The following AGMO variants were observed in gnomAD, a reference collection of about 807,000 sequenced individuals.
AGMO encodes glyceryl-ether monooxygenase.
A neutral mutation model predicts 60.2 loss-of-function variants in AGMO; 75 were observed. That is an observed-to-expected ratio of 1.25 (90% CI 1.03 to 1.51). AGMO has a LOEUF of 1.51. Among genes scored for constraint, AGMO ranks in the 40% most tolerant of loss-of-function variants. AGMO has a pLI of 0.00. For synonymous variants in AGMO, 261 were observed against 177.1 expected, an observed-to-expected ratio of 1.47 and a Z score of -3.76; for missense variants, 763 against 525.5, an observed-to-expected ratio of 1.45 and a Z score of -4.42.
chr7:15,129,263 T>C, the AGMO span, among the ~76,000 whole-genome samples: 1 of 132,326 alleles, frequency 7.6e-6, no homozygotes, highest in Non-Finnish European at 1.8e-5. Flanking sequence ...TGTAGGTTAG[T>C]GTTCTCTTTT....
intron 3 of AGMO, among the ~76,000 whole-genome samples, chr7:15,457,652 C>A (rs1035769277): frequency 2.0e-5 from 3 of 152,084 alleles, no homozygotes; most frequent in Non-Finnish European, 4.4e-5. Flanking sequence ...AAAATAAGAT[C>A]CTACATTTCA....
At chr7:15,343,256 A>G (rs900267398) in intron 12 of AGMO, among the ~76,000 whole-genome samples, 2 of 152,176 alleles carry the variant, frequency 1.3e-5, no homozygotes, top group African/African-American at 4.8e-5. Flanking sequence ...TATCTTTAAT[A>G]GAAAATTATC....
At chr7:15,544,694 T>C in intron 3 of AGMO, 78 bp downstream of exon 3, 2 of 1,165,614 alleles carry the variant, frequency 1.7e-6, no homozygotes, top group South Asian at 3.2e-5. Context: ...ATCCATTCAA[T>C]AAATGTTTAC....
At chr7:15,402,069 G>C (rs1372606056) in intron 5 of AGMO, among the ~76,000 whole-genome samples, 1 of 152,062 alleles carries the variant, frequency 6.6e-6, no homozygotes, top group East Asian at 1.9e-4. Context: ...TTTATTATCT[G>C]ATATGAAAAT....
intron 3 of AGMO, among the ~76,000 whole-genome samples, chr7:15,504,603 C>A (rs761890674): frequency 4.0e-5 from 6 of 151,832 alleles, no homozygotes; most frequent in African/African-American, 1.5e-4. Context: ...CATGAACTTC[C>A]GGAGGAATTG....
intron 3 of AGMO, among the ~76,000 whole-genome samples, chr7:15,457,925 C>T (rs2128507755): frequency 6.6e-6 from 1 of 152,064 alleles, no homozygotes; most frequent in East Asian, 1.9e-4. Flanking sequence ...ATTGACATTC[C>T]AATTATAAAT....
At chr7:15,445,515 TAC>T (rs1475955647) in intron 3 of AGMO, among the ~76,000 whole-genome samples, 1 of 152,172 alleles carries the variant, frequency 6.6e-6, no homozygotes, top group Non-Finnish European at 1.5e-5. Context: ...AGGATGCCAC[TAC>T]CAGAGCTACC....
intron 6 of AGMO, among the ~76,000 whole-genome samples, chr7:15,393,269 T>G (rs1245599966): frequency 4.6e-5 from 7 of 152,148 alleles, no homozygotes; most frequent in Non-Finnish European, 8.8e-5. Context: ...AAGGCAGGGC[T>G]TCAGGGATTC....
At chr7:15,342,333 G>A (rs115282437) in intron 12 of AGMO, among the ~76,000 whole-genome samples, 2,081 of 151,986 alleles carry the variant, frequency 0.014, 55 homozygotes, top group African/African-American at 0.047. Flanking sequence ...AAACAAAGGA[G>A]GGAAAGGTCA....
chr7:15,340,389 C>G (rs1014782721), intron 12 of AGMO, among the ~76,000 whole-genome samples: 9 of 152,154 alleles, frequency 5.9e-5, no homozygotes, highest in African/African-American at 7.2e-5. Context: ...ACTTTTAAGA[C>G]TTCAGGTCGG....
intron 10 of AGMO, among the ~76,000 whole-genome samples, chr7:15,371,858 C>A (rs965059260): frequency 3.2e-4 from 49 of 152,018 alleles, no homozygotes; most frequent in African/African-American, 1.2e-3. Flanking sequence ...ATTTTATATT[C>A]CTCAAACTTT....
intron 12 of AGMO, among the ~76,000 whole-genome samples, chr7:15,263,189 G>T (rs990057683): frequency 6.6e-6 from 1 of 151,836 alleles, no homozygotes; most frequent in Non-Finnish European, 1.5e-5. Context: ...ACCTGACAAA[G>T]ATTTAATATC....
At chr7:15,243,562 G>A (rs559145347) in intron 12 of AGMO, among the ~76,000 whole-genome samples, 94 of 152,116 alleles carry the variant, frequency 6.2e-4, no homozygotes, top group Non-Finnish European at 8.8e-4. Flanking sequence ...TTGCATGATC[G>A]TGGCTGGAGA....
intron 3 of AGMO, among the ~76,000 whole-genome samples, chr7:15,495,502 G>A (rs1783196863): frequency 2.0e-5 from 3 of 152,040 alleles, no homozygotes; most frequent in African/African-American, 7.2e-5. Context: ...ATAGAAGGGG[G>A]GATTTTGTAA....
chr7:15,520,532 G>T (rs10950566), intron 3 of AGMO, among the ~76,000 whole-genome samples: 112,185 of 152,086 alleles, frequency 0.74, 42,027 homozygotes, highest in East Asian at 0.96. Context: ...TTAGAACTCA[G>T]GATTAAGAAA....
chr7:15,384,883 C>T (rs976713594), intron 10 of AGMO, among the ~76,000 whole-genome samples: 2 of 135,358 alleles, frequency 1.5e-5, no homozygotes, highest in African/African-American at 2.7e-5. Context: ...CTTTCCAAAA[C>T]CTAGGTAGTA....
chr7:15,508,727 G>A (rs1029818163), intron 3 of AGMO, among the ~76,000 whole-genome samples: 14 of 148,210 alleles, frequency 9.4e-5, no homozygotes, highest in Admixed American at 8.8e-4. Context: ...CTTTAACTTC[G>A]TATAGAAAAA....
At chr7:15,188,448 T>A in the AGMO span, among the ~76,000 whole-genome samples, 4 of 152,236 alleles carry the variant, frequency 2.6e-5, no homozygotes, top group East Asian at 7.7e-4. Context: ...TAGTAATATG[T>A]CCATTACCAT....
chr7:15,415,190 T>C (rs1780727889), intron 5 of AGMO, among the ~76,000 whole-genome samples: 1 of 151,868 alleles, frequency 6.6e-6, no homozygotes, highest in South Asian at 2.1e-4. Context: ...TCTGCCTCCC[T>C]GGTTCATGCC....
Sources: allele counts gnomAD v4.1 joint callset (sites outside exome capture counted in the v4.1 genomes callset), GRCh38; gene constraint gnomAD v4.1.1; transcripts MANE v1.5; gene names NCBI Gene and HGNC (gene_info 2026-07-23, HGNC 2026-07-21).